SLC9A1: variants seen among roughly 807,000 people sequenced by gnomAD.
SLC9A1 encodes solute carrier family 9 member A1, also known as sodium/hydrogen exchanger 1.
Under a neutral mutation model 67.9 loss-of-function variants are expected in SLC9A1, and 22 were observed. The observed-to-expected ratio is 0.32, with a 90% CI of 0.23 to 0.46. SLC9A1 has a LOEUF of 0.46. Among genes scored for constraint, SLC9A1 ranks in the 20% least tolerant of loss-of-function variants. The probability of loss-of-function intolerance (pLI) is 1.00; values close to 1 mark genes in which losing one functional copy is unlikely to be tolerated. For synonymous variants in SLC9A1, 421 were observed against 471.8 expected (o/e 0.89, Z 1.40); for missense variants, 686 against 1,094.8 (o/e 0.63, Z 5.27).
intron 1 of SLC9A1, among the ~76,000 whole-genome samples, chr1:27,151,822 C>T (rs1169487946): frequency 6.6e-6 from 1 of 152,196 alleles, no homozygotes; most frequent in Non-Finnish European, 1.5e-5. Flanking sequence ...CCACCTTTCT[C>T]TCCACTCATG....
At chr1:27,108,876 G>A (rs1271328388) in intron 3 of SLC9A1, among the ~76,000 whole-genome samples, 1 of 152,166 alleles carries the variant, frequency 6.6e-6, no homozygotes, top group African/African-American at 2.4e-5. Flanking sequence ...CTCAAGCGTG[G>A]CATCTGCCAT....
intron 5 of SLC9A1, chr1:27,104,024 A>T (rs536298480): frequency 9.0e-4 from 136 of 151,762 alleles, no homozygotes; most frequent in South Asian, 3.7e-3. Context: ...GGTAAAAAAA[A>T]TTTTTTGAAG....
At chr1:27,145,612 G>T (rs1047915092) in intron 1 of SLC9A1, among the ~76,000 whole-genome samples, 12 of 152,244 alleles carry the variant, frequency 7.9e-5, no homozygotes, top group African/African-American at 2.4e-4. Context: ...CAGCACTGTG[G>T]CAAGGCCAGT....
intron 1 of SLC9A1, among the ~76,000 whole-genome samples, chr1:27,131,947 A>AAAAAAAAAAAAAAAAT: frequency 3.8e-5 from 2 of 52,124 alleles, no homozygotes; most frequent in Non-Finnish European, 3.8e-5. Flanking sequence ...AGAAAAAAAA[A>AAAAAAAAAAAAAAAAT]ATATATATAT....
Position 27,146,737 on chromosome 1 carries a change from G to A in SLC9A1, c.352+7246C>T, listed in dbSNP as rs140009132. Among the ~76,000 whole-genome samples, 696 of 152,188 alleles carry A rather than the reference G, an allele frequency of 4.6e-3. 5 individuals are homozygous for A. Among genetic ancestry groups the A allele is most frequent in the African/African-American group, 0.016 (651 of 41,532 alleles). On this transcript the variant is annotated intron_variant, in intron 1 of 11. Transcript: ENST00000263980. ...TGAAGCTGCAGTGAGCCGTCTTTGCGCCACTGCACTCCAGCCTGGGAGACA... is the reference window on the plus strand; with the variant it reads ...TGAAGCTGCAGTGAGCCGTCTTTGCACCACTGCACTCCAGCCTGGGAGACA...
chr1:27,131,863 G>C (rs2083386568), intron 1 of SLC9A1, among the ~76,000 whole-genome samples: 1 of 148,190 alleles, frequency 6.7e-6, no homozygotes, highest in South Asian at 2.1e-4. Context: ...AGAGGTTGCA[G>C]TGAGCATAGA....
chr1:27,124,888 G>C (rs1198370254), intron 1 of SLC9A1, among the ~76,000 whole-genome samples: 1 of 152,068 alleles, frequency 6.6e-6, no homozygotes, highest in Non-Finnish European at 1.5e-5. Flanking sequence ...CAGAGGTGGG[G>C]GCATGAGCAT....
intron 1 of SLC9A1, among the ~76,000 whole-genome samples, chr1:27,122,321 G>A (rs2083309653): frequency 6.6e-6 from 1 of 152,150 alleles, no homozygotes; most frequent in African/African-American, 2.4e-5. Context: ...CACGGGTTAA[G>A]GGAATGATGA....
At chr1:27,126,202 C>T (rs746862554) in intron 1 of SLC9A1, among the ~76,000 whole-genome samples, 12 of 152,274 alleles carry the variant, frequency 7.9e-5, no homozygotes, top group East Asian at 7.7e-4. Flanking sequence ...CACTTCCTGA[C>T]GTCTAGATGT....
In SLC9A1 at chr1:27,100,763, C is replaced by A; in HGVS notation, c.2111-119G>T. 2 of 782,798 alleles carry A rather than the reference C, an allele frequency of 2.6e-6. No individual in the cohort carries two copies. Among genetic ancestry groups the A allele is most frequent in the Admixed American group, 2.4e-5 (1 of 41,662 alleles). 48.5% of individuals were successfully genotyped at this position (782,798 alleles called of 1,614,324 possible). ...CTCATGAGCACAGCCGTCCCGGTCC[C>A]AACAGGCCTCAGAAGCAGGCCTCTG... On this transcript the variant is annotated intron_variant, in intron 11 of 11. Transcript: ENST00000263980. This position sits in a 1 kb window ranked among gnomAD's most constrained non-coding sequence, Gnocchi z 5.6.
chr1:27,148,193 A>G (rs1189589303), intron 1 of SLC9A1, among the ~76,000 whole-genome samples: 1 of 152,116 alleles, frequency 6.6e-6, no homozygotes, highest in Non-Finnish European at 1.5e-5. Flanking sequence ...GGGGGAAAGG[A>G]CAAGTCCTCC....
chr1:27,154,566 A>G lies in SLC9A1; in HGVS notation c.-232T>C. ...GGCAAGGACCCAGGAACGACCACGA[A>G]AGGAGACCAAAAGGTCTGGAACTCC... On this transcript the variant is annotated 5_prime_UTR_variant, in exon 1 of 12. Coordinates refer to ENST00000263980, the MANE Select transcript of SLC9A1 (RefSeq NM_003047.5). The G allele has an allele frequency of 2.1e-6, 1 of 469,308 alleles. No homozygotes were observed. The highest frequency in any genetic ancestry group is 3.6e-5 in the East Asian group (1 of 27,900). 29.1% of individuals were successfully genotyped at this position (469,308 alleles called of 1,614,324 possible).
chr1:27,131,978 A>ATATATATATAT (rs1491404048), intron 1 of SLC9A1, among the ~76,000 whole-genome samples: 2 of 142,074 alleles, frequency 1.4e-5, no homozygotes, highest in African/African-American at 5.3e-5. Context: ...ATATATATAT[A>ATATATATATAT]AAATTATGGC....
chr1:27,102,287 G>A (rs898874982), intron 8 of SLC9A1, 98 bp downstream of exon 8: 11 of 1,432,002 alleles, frequency 7.7e-6, no homozygotes, highest in Non-Finnish European at 1.1e-5. Flanking sequence ...CGCCCCAACA[G>A]GACAACAGAA....
chr1:27,129,308 A>G (rs953413701), intron 1 of SLC9A1, among the ~76,000 whole-genome samples: 3 of 152,152 alleles, frequency 2.0e-5, no homozygotes, highest in Admixed American at 2.0e-4. Context: ...GAGACAGGGC[A>G]TGCTTGGAGG....
intron 1 of SLC9A1, among the ~76,000 whole-genome samples, chr1:27,134,672 G>T (rs1049479623): frequency 6.6e-6 from 1 of 152,138 alleles, no homozygotes; most frequent in Non-Finnish European, 1.5e-5. Flanking sequence ...TCTTGATGCC[G>T]ATAAGGAAAC....
chr1:27,129,728 C>T (rs999544740), intron 1 of SLC9A1, among the ~76,000 whole-genome samples: 1 of 152,178 alleles, frequency 6.6e-6, no homozygotes, highest in African/African-American at 2.4e-5. Flanking sequence ...ATGGTCCACT[C>T]CAAAACTGGT....
Position 27,101,908 on chromosome 1 carries a change from G to A in SLC9A1, c.1936-82C>T, listed in dbSNP as rs549422605. On this transcript the variant is annotated intron_variant, in intron 9 of 11. Transcript: ENST00000263980. The surrounding 1 kb of genome is among the most constrained non-coding windows in gnomAD (Gnocchi z 4.9). ...GGGTGGGGGCAGTGCTGGAGGCCGG[G>A]CCAGTCCTGGGGTGGGTGCCGAGGG... 17 of 1,426,324 alleles carry A rather than the reference G, an allele frequency of 1.2e-5. No individual in the cohort carries two copies. Among genetic ancestry groups the A allele is most frequent in the East Asian group, 2.3e-5 (1 of 43,974 alleles). The allele number at this position is 1,426,324 out of a possible 1,614,324, so 88.4% of individuals were successfully genotyped here. A position where few individuals can be genotyped will look rare whatever the true frequency, so the allele number is the denominator to read the frequency against.
chr1:27,133,781 T>C (rs1263314660), intron 1 of SLC9A1, among the ~76,000 whole-genome samples: 2 of 151,706 alleles, frequency 1.3e-5, no homozygotes, highest in Non-Finnish European at 2.9e-5. Flanking sequence ...TTTTTTTTTT[T>C]TGGGACAGAA....
Sources: gnomAD v4.1 joint callset for allele counts (sites outside exome capture counted in the v4.1 genomes callset) on GRCh38, gnomAD v4.1.1 for gene constraint, Gnocchi (gnomAD v3.1) non-coding constraint, MANE v1.5 for transcripts, NCBI Gene and HGNC (gene_info 2026-07-23, HGNC 2026-07-21) for gene names.